TBCD: variants seen among roughly 807,000 people sequenced by gnomAD.
TBCD encodes tubulin folding cofactor D, also known as tubulin-specific chaperone D.
A neutral mutation model predicts 169.3 loss-of-function variants in TBCD; 105 were observed. That is an observed-to-expected ratio of 0.62 (90% CI 0.53 to 0.73). TBCD has a LOEUF of 0.73. TBCD is among the 30% of genes least tolerant of loss of function. TBCD has a pLI of 0.00. For missense variants in TBCD, 1,444 were observed against 1,600.1 expected, an observed-to-expected ratio of 0.90 and a Z score of 1.66; for synonymous variants, 700 against 643.9, an observed-to-expected ratio of 1.09 and a Z score of -1.32.
intron 13 of TBCD, chr17:82,865,498 C>T (rs1050644411): frequency 8.1e-6 from 8 of 985,456 alleles, no homozygotes; most frequent in African/African-American, 1.7e-5. Flanking sequence ...CACGTTTCCA[C>T]GCCTTCCTCG....
chr17:82,927,903 A>G lies in TBCD; in HGVS notation c.2610-2A>G. The G allele has an allele frequency of 1.2e-6, 2 of 1,613,288 alleles. No individual in the cohort carries two copies. Among genetic ancestry groups the G allele is most frequent in the Non-Finnish European group, 1.7e-6 (2 of 1,179,576 alleles). The stretch of plus-strand genomic sequence containing the variant: ...TGTCTCTGCCTCTCCTTGTCCCATC[A>G]GGGTCCGCAAGGCCGCCATGACCAG... On this transcript the variant is annotated splice_acceptor_variant, in intron 29 of 38. Transcript: ENST00000355528. LOFTEE classifies it high-confidence loss of function.
intron 13 of TBCD, among the ~76,000 whole-genome samples, chr17:82,848,215 G>T (rs923308346): frequency 3.3e-5 from 5 of 152,182 alleles, no homozygotes; most frequent in African/African-American, 1.2e-4. Flanking sequence ...TCGGAAATGG[G>T]GCTTCTGGCG....
At chr17:82,840,763 A>G (rs2054411760) in intron 13 of TBCD, among the ~76,000 whole-genome samples, 1 of 151,292 alleles carries the variant, frequency 6.6e-6, no homozygotes, top group South Asian at 2.1e-4. Context: ...ACACCCCCCC[A>G]CCAAAACTGC....
At chr17:82,928,831 A>G (rs1330204130) in intron 30 of TBCD, among the ~76,000 whole-genome samples, 1 of 151,630 alleles carries the variant, frequency 6.6e-6, no homozygotes, top group African/African-American at 2.4e-5. Flanking sequence ...CTAAGACCTC[A>G]TCAGCACGCA....
At chr17:82,925,721 T>TG (rs1425149085) in intron 27 of TBCD, among the ~76,000 whole-genome samples, 1 of 152,044 alleles carries the variant, frequency 6.6e-6, no homozygotes, top group Non-Finnish European at 1.5e-5. Flanking sequence ...AACTCGCATG[T>TG]GGGGGTTTAT....
At chr17:82,849,730 A>G (rs1224027458) in intron 13 of TBCD, among the ~76,000 whole-genome samples, 1 of 152,218 alleles carries the variant, frequency 6.6e-6, no homozygotes, top group African/African-American at 2.4e-5. Flanking sequence ...CTCTCACAGG[A>G]TGCGACCATG....
At chr17:82,838,262 A>G (rs1266299754) in intron 13 of TBCD, among the ~76,000 whole-genome samples, 2 of 152,168 alleles carry the variant, frequency 1.3e-5, no homozygotes, top group South Asian at 2.1e-4. Context: ...TTAGGGTAAT[A>G]GTGAGAAGTT....
intron 13 of TBCD, among the ~76,000 whole-genome samples, chr17:82,836,415 C>G (rs1411344912): frequency 1.3e-5 from 2 of 152,244 alleles, no homozygotes; most frequent in Non-Finnish European, 2.9e-5. Context: ...ATGACAGTTG[C>G]AAAATGTTCA....
chr17:82,919,983 G>T (rs1013367292), intron 23 of TBCD, among the ~76,000 whole-genome samples: 1 of 152,146 alleles, frequency 6.6e-6, no homozygotes, highest in Non-Finnish European at 1.5e-5. Flanking sequence ...GTTAGGTAGA[G>T]ACGGTGGGAG....
rs139762971 is a variant in TBCD, at chr17:82,759,511, G to T, written c.235+3296G>T. ...AAAAAAAAAAATTTTGTTTTTGCAG[G>T]GTCAGGGTCACGCTGTGTTCCTCAG... On this transcript the variant is annotated intron_variant, in intron 2 of 38. Coordinates refer to ENST00000355528, the MANE Select transcript of TBCD (RefSeq NM_005993.5). Among the ~76,000 whole-genome samples the T allele has an allele frequency of 2.9e-3, 440 of 152,180 alleles. 2 individuals are homozygous for T. The highest frequency in any genetic ancestry group is 9.1e-3 in the African/African-American group (377 of 41,540).
intron 10 of TBCD, among the ~76,000 whole-genome samples, chr17:82,807,232 G>A (rs1018158090): frequency 2.0e-5 from 3 of 152,240 alleles, no homozygotes; most frequent in Non-Finnish European, 4.4e-5. Context: ...AGACGTCTTC[G>A]TGCAGCCGCT....
At chr17:82,885,808 T>C (rs995155943) in intron 15 of TBCD, among the ~76,000 whole-genome samples, 6 of 152,176 alleles carry the variant, frequency 3.9e-5, no homozygotes, top group African/African-American at 1.4e-4. Flanking sequence ...TCTTTTCTGA[T>C]AAATACCACC....
chr17:82,792,237 G>A (rs2049786384), intron 7 of TBCD, among the ~76,000 whole-genome samples: 1 of 151,962 alleles, frequency 6.6e-6, no homozygotes, highest in Admixed American at 6.5e-5. Context: ...GAACCCAGGA[G>A]GCAGAGGTTG....
intron 8 of TBCD, 136 bp downstream of exon 8, chr17:82,797,938 T>G (rs188024045): frequency 5.6e-4 from 290 of 518,786 alleles, no homozygotes; most frequent in African/African-American, 4.9e-3. Flanking sequence ...GTTCTTTTTT[T>G]TGTTGTGGGT....
intron 7 of TBCD, chr17:82,795,453 C>A: frequency 1.2e-6 from 1 of 847,634 alleles, no homozygotes; most frequent in Non-Finnish European, 1.4e-6. Context: ...AGGTTCTGGC[C>A]TTTCCCACTG....
intron 13 of TBCD, among the ~76,000 whole-genome samples, chr17:82,824,417 T>G (rs1180642694): frequency 6.6e-6 from 1 of 152,160 alleles, no homozygotes; most frequent in Non-Finnish European, 1.5e-5. Context: ...TCTCCTGACC[T>G]CATGATCCAC....
At chr17:82,752,749 C>T (rs1409091530) in intron 1 of TBCD, among the ~76,000 whole-genome samples, 24 of 152,324 alleles carry the variant, frequency 1.6e-4, no homozygotes, top group Non-Finnish European at 2.9e-5. Flanking sequence ...CCCCTCCGGA[C>T]AGCTGGTCAG....
chr17:82,899,487 C>T (rs1212701991), intron 17 of TBCD, among the ~76,000 whole-genome samples: 2 of 152,240 alleles, frequency 1.3e-5, no homozygotes, highest in Non-Finnish European at 2.9e-5. Flanking sequence ...TGTGTCTGCA[C>T]CTCCTTTTGG....
chr17:82,769,793 C>T (rs774374936), intron 5 of TBCD, among the ~76,000 whole-genome samples: 2 of 151,438 alleles, frequency 1.3e-5, no homozygotes, highest in Non-Finnish European at 2.9e-5. Context: ...AGAAGAATCC[C>T]TTGAACCTGG....
Sources: allele counts gnomAD v4.1 joint callset (sites outside exome capture counted in the v4.1 genomes callset), GRCh38; gene constraint gnomAD v4.1.1; transcripts MANE v1.5; gene names NCBI Gene and HGNC (gene_info 2026-07-23, HGNC 2026-07-21).